The following RTEL1 variants were observed in gnomAD, a reference collection of about 807,000 sequenced individuals.
RTEL1 encodes the protein regulator of telomere length.
A neutral mutation model predicts 162.2 loss-of-function variants in RTEL1; 86 were observed. That is an observed-to-expected ratio of 0.53 (90% confidence interval 0.45 to 0.63). The LOEUF (loss-of-function observed/expected upper bound fraction) is 0.63, where lower values mean the gene tolerates loss of function less well. Ranked by LOEUF, RTEL1 falls within the 30% of genes least tolerant of loss-of-function variation. RTEL1 has a pLI of 0.00. For synonymous variants in RTEL1, 958 were observed against 717.9 expected, an observed-to-expected ratio of 1.33 and a Z score of -5.35; for missense variants, 1,941 against 1,750.2, an observed-to-expected ratio of 1.11 and a Z score of -1.95.
chr20:63,691,221 G>T (rs907224105), intron 27 of RTEL1, among the ~76,000 whole-genome samples: 1 of 151,942 alleles, frequency 6.6e-6, no homozygotes, highest in Non-Finnish European at 1.5e-5. Context: ...GGTCAGCTTG[G>T]CTCAGTGCAC....
chr20:63,681,976 C>T, intron 14 of RTEL1: 1 of 985,456 alleles, frequency 1.0e-6, no homozygotes, highest in African/African-American at 1.7e-5. Flanking sequence ...GTGCACCTAT[C>T]AGGCGGACCT....
intron 30 of RTEL1, 33 bp downstream of exon 30, chr20:63,693,316 C>A: frequency 6.2e-7 from 1 of 1,609,534 alleles, no homozygotes; most frequent in Non-Finnish European, 8.5e-7. Context: ...CCCTCAGACT[C>A]CTGCGTGGAA....
intron 6 of RTEL1, among the ~76,000 whole-genome samples, chr20:63,664,635 G>A (rs1234843797): frequency 5.3e-5 from 8 of 152,216 alleles, no homozygotes; most frequent in Non-Finnish European, 8.8e-5. Context: ...CCGACCTGGC[G>A]GGAGGTTGCC....
rs2090579781 is a variant in RTEL1, at chr20:63,685,795, A to G, written c.1271A>G (p.His424Arg). The G allele has an allele frequency of 6.2e-7, 1 of 1,612,142 alleles. No homozygotes were observed. The highest frequency in any genetic ancestry group is 8.5e-7 in the Non-Finnish European group (1 of 1,179,752). ...GLGALQSYKVHIHPDAGHRRT... is the reference protein window; with the variant it reads ...GLGALQSYKVRIHPDAGHRRT... The stretch of plus-strand genomic sequence containing the variant: ...TCCTGGTCCTGTCCCCTCCAGGTGC[A>G]CATCCATCCTGATGCTGGTCACCGG... The change falls in exon 16 of 35, where the codon CAC becomes CGC. Residue 424 changes from histidine (H) to arginine (R), a missense_variant. Coordinates refer to ENST00000360203, the MANE Select transcript of RTEL1 (RefSeq NM_001283009.2).
At chr20:63,693,468 T>TCCACCTCCACCTCCA in intron 30 of RTEL1, among the ~76,000 whole-genome samples, 185 bp downstream of exon 30, 1 of 9,764 alleles carries the variant, frequency 1.0e-4, no homozygotes, top group East Asian at 1.7e-3. Flanking sequence ...CACCTCCACC[T>TCCACCTCCACCTCCA]CCACCTCCAC....
chr20:63,694,567 G>T, intron 31 of RTEL1, 79 bp downstream of exon 31: 1 of 1,328,938 alleles, frequency 7.5e-7, no homozygotes. Context: ...TCTTGAGTGT[G>T]GCCGGGGCTG....
At chr20:63,693,398 T>G in intron 30 of RTEL1, 115 bp downstream of exon 30, 4 of 1,310,284 alleles carry the variant, frequency 3.1e-6, no homozygotes, top group Non-Finnish European at 4.2e-6. Flanking sequence ...CGCCTCTCTG[T>G]TCCCCTATGG....
intron 22 of RTEL1, 28 bp downstream of exon 22, chr20:63,689,160 A>T (rs2090665596): frequency 1.3e-6 from 2 of 1,598,094 alleles, no homozygotes; most frequent in Admixed American, 1.7e-5. Flanking sequence ...CTCTGCCCTG[A>T]CCTGGTTGCC....
chr20:63,667,646 CT>C, intron 8 of RTEL1, 93 bp downstream of exon 8: 1 of 1,030,812 alleles, frequency 9.7e-7, no homozygotes, highest in Non-Finnish European at 1.5e-6. Flanking sequence ...GCTTCAGGGC[CT>C]TAGATCAGCA....
At position 63,679,874 on chromosome 20, in the gene RTEL1, G is replaced by A; in HGVS notation, c.1063G>A (p.Ala355Thr). The A allele has an allele frequency of 1.2e-6, 2 of 1,611,508 alleles. No individual in the cohort carries two copies. Among genetic ancestry groups the A allele is most frequent in the African/African-American group, 2.7e-5 (2 of 74,992 alleles). The stretch of plus-strand genomic sequence containing the variant: ...CTACATCTTTGAGCTGTTTGCTGAA[G>A]CCCAGATCACGTTTCAGACCAAGGG... ...GSYIFELFAE[A>T]QITFQTKGCI... The change falls in exon 13 of 35, where the codon GCC (alanine) becomes ACC (threonine). Residue 355 changes from alanine (A) to threonine (T), a missense_variant. Transcript: ENST00000360203.
intron 30 of RTEL1, among the ~76,000 whole-genome samples, chr20:63,693,624 A>ACCTCCACCT (rs1568721242): frequency 4.5e-5 from 1 of 22,340 alleles, no homozygotes; most frequent in African/African-American, 1.5e-4. Flanking sequence ...CACCTCCACC[A>ACCTCCACCT]CCACCTCCAC....
At chr20:63,693,944 C>T (rs74506932) in intron 30 of RTEL1, among the ~76,000 whole-genome samples, 1,834 of 151,432 alleles carry the variant, frequency 0.012, 23 homozygotes, top group Middle Eastern at 0.031. Flanking sequence ...AGACCCCTGT[C>T]CTCCCTGTTT....
At position 63,679,928 on chromosome 20, in the gene RTEL1, A is replaced by G; in HGVS notation, c.1117A>G (p.Ile373Val). 1.2e-6 allele frequency: 2 copies of G among 1,612,104 alleles called. No homozygotes were observed. Among genetic ancestry groups the G allele is most frequent in the Non-Finnish European group, 1.7e-6 (2 of 1,179,454 alleles). The change falls in exon 13 of 35, where the codon ATC (isoleucine) becomes GTC (valine). Residue 373 changes from isoleucine to valine, a missense_variant. Physicochemically the swap from Ile to Val is conservative, Grantham distance 29. Transcript: ENST00000360203. The stretch of plus-strand genomic sequence containing the variant: ...CATCCTGGACTCGCTGGACCAGATC[A>G]TCCAGCACCTGGCAGGACGTGAGTG... The part of the protein sequence containing the change: ...GCILDSLDQI[I>V]QHLAGRAGVF...
chr20:63,686,153 C>G (rs201007254), intron 16 of RTEL1: 19 of 528,916 alleles, frequency 3.6e-5, no homozygotes, highest in African/African-American at 2.7e-4. Flanking sequence ...TGCTGGGACA[C>G]GCTCGTTTAT....
intron 34 of RTEL1, 41 bp downstream of exon 34, chr20:63,695,691 C>T: frequency 1.2e-6 from 2 of 1,609,390 alleles, no homozygotes; most frequent in East Asian, 2.2e-5. Context: ...GGTGTAGCCC[C>T]AGGTGATGGG....
At chr20:63,659,643 C>T (rs1333999525) in intron 2 of RTEL1, 139 bp downstream of exon 2, 42 of 700,996 alleles carry the variant, frequency 6.0e-5, no homozygotes, top group Non-Finnish European at 7.7e-6. Flanking sequence ...GGCTGGTGTT[C>T]CAGGTGGGGT....
At position 63,694,386 on chromosome 20, in the gene RTEL1, G is replaced by A. The variant is rs1324849160; in HGVS notation, c.3007G>A (p.Asp1003Asn). ...CTCTTCATCAGGAAGAACGGCGCCG[G>A]ATCCCAAGCTGACCGTGTCCACGGC... ...VLDPTGRTAP[D>N]PKLTVSTAAA... is the part of the protein sequence containing the mutation. Residue 1003 changes from aspartate (D) to asparagine (N), a missense_variant, in exon 31 of 35, where the codon GAT becomes AAT. By Grantham distance (23) the Asp-to-Asn change is conservative. Coordinates refer to ENST00000360203, the MANE Select transcript of RTEL1 (RefSeq NM_001283009.2). 1.2e-6 allele frequency: 2 copies of A among 1,612,162 alleles called. No homozygotes were observed. Among genetic ancestry groups the A allele is most frequent in the East Asian group, 2.2e-5 (1 of 44,876 alleles).
intron 26 of RTEL1, 122 bp downstream of exon 26, chr20:63,690,563 C>G: frequency 1.5e-6 from 2 of 1,291,320 alleles, no homozygotes; most frequent in Middle Eastern, 2.8e-4. Flanking sequence ...CCCCTCCCAC[C>G]TCCAAAGGCT....
At chr20:63,684,620 G>A (rs2090550567) in intron 14 of RTEL1, among the ~76,000 whole-genome samples, 1 of 152,178 alleles carries the variant, frequency 6.6e-6, no homozygotes, top group Admixed American at 6.5e-5. Context: ...TGGGATTACA[G>A]GCATGAGCCA....
Sources: gnomAD v4.1 joint callset for allele counts (sites outside exome capture counted in the v4.1 genomes callset) on GRCh38, gnomAD v4.1.1 for gene constraint, MANE v1.5 for transcripts, NCBI Gene and HGNC (gene_info 2026-07-23, HGNC 2026-07-21) for gene names.